Variants in RAI1 observed in about 807,000 individuals in gnomAD.
The protein encoded by RAI1 is retinoic acid induced 1.
Under a neutral mutation model 123.8 loss-of-function variants are expected in RAI1, and 9 were observed. That is an observed-to-expected ratio of 0.07 (90% CI 0.04 to 0.13). RAI1 has a LOEUF of 0.13. RAI1 is among the 10% of genes least tolerant of loss of function. The pLI is 1.00. For synonymous variants in RAI1, 1,231 were observed against 1,127.3 expected (o/e 1.09, Z -1.84); for missense variants, 2,256 against 2,545.8 (o/e 0.89, Z 2.45).
chr17:17,749,170 AGCTC>A (rs1265526142), intron 2 of RAI1, among the ~76,000 whole-genome samples: 3 of 152,226 alleles, frequency 2.0e-5, no homozygotes, highest in Non-Finnish European at 4.4e-5. Context: ...TCTTAGCACC[AGCTC>A]GCCTGAGCTG....
At chr17:17,763,363 A>AG (rs771099117) in intron 2 of RAI1, among the ~76,000 whole-genome samples, 70 of 152,358 alleles carry the variant, frequency 4.6e-4, no homozygotes, top group Middle Eastern at 6.8e-3. Flanking sequence ...GCTGGAGGTC[A>AG]GGAGCCTGTG....
chr17:17,722,933 C>A (rs570987144), intron 1 of RAI1, among the ~76,000 whole-genome samples: 18 of 152,342 alleles, frequency 1.2e-4, no homozygotes, highest in Middle Eastern at 3.4e-3. Context: ...TGCCGCGGTG[C>A]GATCCCCGAC....
chr17:17,757,370 C>T (rs141330797), intron 2 of RAI1, among the ~76,000 whole-genome samples: 5,952 of 152,240 alleles, frequency 0.039, 163 homozygotes, highest in Non-Finnish European at 0.057. Flanking sequence ...AGCCGGGGGG[C>T]GGCAGGATGT....
chr17:17,780,978 C>T (rs1479977919), intron 2 of RAI1, among the ~76,000 whole-genome samples: 1 of 152,172 alleles, frequency 6.6e-6, no homozygotes, highest in African/African-American at 2.4e-5. Context: ...CCACAGGCAT[C>T]CTCACCCCCT....
Position 17,714,987 on chromosome 17 carries a change from C to T in RAI1, c.-148-9041C>T, listed in dbSNP as rs530722222. 6.6e-6 allele frequency among the ~76,000 whole-genome samples: 1 copy of T among 152,348 alleles called. No homozygotes were observed. Among genetic ancestry groups the T allele is most frequent in the African/African-American group, 2.4e-5 (1 of 41,564 alleles). ...CTGCTTCCCATCCCACCCACATCAC[C>T]CTCTGTTAGGTAAGCAGGAGCAGAA... On this transcript the variant is annotated intron_variant, in intron 1 of 5. Transcript: ENST00000353383. This position sits in a 1 kb window ranked among gnomAD's most constrained non-coding sequence, Gnocchi z 4.9.
In RAI1 at chr17:17,685,926, TC is replaced by T. The variant is rs1258202005; in HGVS notation, c.-149+4135del. On this transcript the variant is annotated intron_variant, in intron 1 of 5. Transcript: ENST00000353383. This position sits in a 1 kb window ranked among gnomAD's most constrained non-coding sequence, Gnocchi z 4.0. ...CTTCCACCTGGGATGCCCCTCACCT[TC>T]CTCCCTGCCGCCCCAGACCAAAACA... is the stretch of plus-strand genomic sequence containing the variant. Among the ~76,000 whole-genome samples, 1 of 151,992 alleles carries T rather than the reference TC, an allele frequency of 6.6e-6. No homozygotes were observed. Among genetic ancestry groups the T allele is most frequent in the African/African-American group, 2.4e-5 (1 of 41,368 alleles).
intron 2 of RAI1, among the ~76,000 whole-genome samples, chr17:17,788,428 T>C (rs1379116032): frequency 6.6e-6 from 1 of 152,148 alleles, no homozygotes; most frequent in African/African-American, 2.4e-5. Context: ...TTTCTCATTT[T>C]CACCAAGTCT....
At chr17:17,701,556 C>T (rs1435519970) in intron 1 of RAI1, among the ~76,000 whole-genome samples, 2 of 151,806 alleles carry the variant, frequency 1.3e-5, no homozygotes, top group East Asian at 3.9e-4. Context: ...GGTCCCCTTT[C>T]CCTCCCCTCT....
rs776853629 is a variant in RAI1, at chr17:17,798,175, C to A, written c.5227C>A (p.Pro1743Thr). Residue 1743 changes from proline to threonine, a missense_variant, in exon 3 of 6, where the codon CCC (proline) becomes ACC (threonine). Around this residue, in one of 7 missense-constraint regions of RAI1, gnomAD observed 243 missense variants for 316.6 expected, o/e 0.77. Coordinates refer to ENST00000353383, the MANE Select transcript of RAI1 (RefSeq NM_030665.4). ...SLPLERTLKGPECAAAATAGK... is the reference protein window; with the variant it reads ...SLPLERTLKGTECAAAATAGK... ...GCCGCTTGAGAGAACACTCAAAGGT[C>A]CCGAGTGTGCAGCTGCCGCCACTGC... The A allele has an allele frequency of 6.2e-7, 1 of 1,612,904 alleles. No individual in the cohort carries two copies. Among genetic ancestry groups the A allele is most frequent in the South Asian group, 1.1e-5 (1 of 91,084 alleles).
chr17:17,725,306 G>A (rs1216153999), intron 2 of RAI1, among the ~76,000 whole-genome samples: 1 of 152,158 alleles, frequency 6.6e-6, no homozygotes, highest in Non-Finnish European at 1.5e-5. Flanking sequence ...TGATCCCGAG[G>A]GTGCTGTGCT....
rs2032136077 is a variant in RAI1, at chr17:17,794,091, C to T, written c.1143C>T (p.Ala381=). 3.1e-6 allele frequency: 5 copies of T among 1,613,984 alleles called. No individual in the cohort carries two copies. The highest frequency in any genetic ancestry group is 4.2e-6 in the Non-Finnish European group (5 of 1,180,052). Residue 381 remains alanine, a synonymous_variant, in exon 3 of 6, where the codon GCC becomes GCT. Coordinates refer to ENST00000353383, the MANE Select transcript of RAI1 (RefSeq NM_030665.4). The stretch of plus-strand genomic sequence containing the variant: ...GCCAGCAGCCGCTCAGCACCGGGGC[C>T]TTCCCCGCAGGGATCACTGACCACA... ...PYSQQPLSTG[A]FPAGITDHSH...
At chr17:17,704,756 T>G (rs1915341171) in intron 1 of RAI1, among the ~76,000 whole-genome samples, 1 of 151,690 alleles carries the variant, frequency 6.6e-6, no homozygotes, top group Admixed American at 6.6e-5. Flanking sequence ...CTGCTTGTGT[T>G]GTTATTGGTG....
Position 17,801,447 on chromosome 17 carries a change from G to A in RAI1, c.5566-2309G>A, listed in dbSNP as rs535067750. ...CTATTCATATGCCTGCCTGAGGGTG[G>A]TTGGGGCCTCCGTGCAGTAAGTGGA... is the stretch of plus-strand genomic sequence containing the variant. On this transcript the variant is annotated intron_variant, in intron 3 of 5. Coordinates refer to ENST00000353383, the MANE Select transcript of RAI1 (RefSeq NM_030665.4). This position sits in a 1 kb window ranked among gnomAD's most constrained non-coding sequence, Gnocchi z 4.1. 6.6e-6 allele frequency among the ~76,000 whole-genome samples: 1 copy of A among 152,184 alleles called. No homozygotes were observed. Among genetic ancestry groups the A allele is most frequent in the South Asian group, 2.1e-4 (1 of 4,832 alleles).
chr17:17,783,338 G>T (rs908033997), intron 2 of RAI1, among the ~76,000 whole-genome samples: 1 of 151,818 alleles, frequency 6.6e-6, no homozygotes, highest in African/African-American at 2.4e-5. Context: ...GGGTCAGCGG[G>T]CTGGGCTGCG....
chr17:17,796,017 C>T lies in RAI1; in HGVS notation c.3069C>T (p.Asp1023=), dbSNP rs770006515. Residue 1023 remains aspartate, a synonymous_variant, in exon 3 of 6, where the codon GAC becomes GAT. Coordinates refer to ENST00000353383, the MANE Select transcript of RAI1 (RefSeq NM_030665.4). This position sits in a 1 kb window ranked among gnomAD's most constrained non-coding sequence, Gnocchi z 5.8. ...SPCRAPVLPK[D]LLLPESCTGP... is the part of the protein sequence containing the mutation. ...GCAGGGCACCAGTGCTGCCCAAAGA[C>T]CTCTTGCTCCCTGAATCCTGCACAG... 8 of 1,593,198 alleles carry T rather than the reference C, an allele frequency of 5.0e-6. No individual in the cohort carries two copies. The highest frequency in any genetic ancestry group is 6.0e-6 in the Non-Finnish European group (7 of 1,171,156).
In RAI1 at chr17:17,783,918, G is replaced by A. The variant is rs140281193; in HGVS notation, c.-16-9015G>A. On this transcript the variant is annotated intron_variant, in intron 2 of 5. Transcript: ENST00000353383. ...GCTTGCCAACTGGAAAGCCGGCCCC[G>A]CTTTCACGTTGAGCAGAATACTCCA... is the stretch of plus-strand genomic sequence containing the variant. Among the ~76,000 whole-genome samples the A allele has an allele frequency of 3.0e-4, 45 of 152,280 alleles. No homozygotes were observed. The East Asian group carries it at 8.5e-3, about 29-fold the overall frequency.
rs1177459999 is a variant in RAI1, at chr17:17,795,117, A to T, written c.2169A>T (p.Thr723=). 4 of 1,614,040 alleles carry T rather than the reference A, an allele frequency of 2.5e-6. No homozygotes were observed. ...GGGTTCCTGCTCCAGACCCCACTAC[A>T]GCAGCTTTTGACTGTTTCCCGGACA... ...TLGVPAPDPT[T]AAFDCFPDTT... is the part of the protein sequence containing the mutation. Residue 723 remains threonine, a synonymous_variant, in exon 3 of 6, where the codon ACA becomes ACT. Coordinates refer to ENST00000353383, the MANE Select transcript of RAI1 (RefSeq NM_030665.4). The surrounding 1 kb of genome is among the most constrained non-coding windows in gnomAD (Gnocchi z 5.9).
intron 2 of RAI1, among the ~76,000 whole-genome samples, chr17:17,769,574 G>C (rs913957847): frequency 3.9e-5 from 6 of 152,250 alleles, no homozygotes; most frequent in African/African-American, 1.4e-4. Flanking sequence ...GGGACGAGGA[G>C]ATCCCGCTGG....
At chr17:17,792,096 C>T (rs1322012552) in intron 2 of RAI1, among the ~76,000 whole-genome samples, 3 of 152,142 alleles carry the variant, frequency 2.0e-5, no homozygotes, top group African/African-American at 7.2e-5. Flanking sequence ...CATCTCTACT[C>T]CCATTAGTAT....
Sources: allele counts gnomAD v4.1 joint callset (sites outside exome capture counted in the v4.1 genomes callset), GRCh38; gene constraint gnomAD v4.1.1; regional missense constraint gnomAD v4.1.1; non-coding constraint Gnocchi (gnomAD v3.1); transcripts MANE v1.5; gene names NCBI Gene and HGNC (gene_info 2026-07-23, HGNC 2026-07-21).